Variants in ANKRD17 observed in about 807,000 individuals in gnomAD.
The protein encoded by ANKRD17 is ankyrin repeat domain 17, also known as ankyrin repeat domain-containing protein 17.
In ANKRD17, 19 loss-of-function variants were observed where a neutral mutation model predicts 229.7. That is an observed-to-expected ratio of 0.08 (90% CI 0.06 to 0.12). The LOEUF (loss-of-function observed/expected upper bound fraction) is 0.12. ANKRD17 is among the 10% of genes least tolerant of loss of function. ANKRD17 has a pLI of 1.00. For synonymous variants in ANKRD17, 1,112 were observed against 1,146.1 expected, an observed-to-expected ratio of 0.97 and a Z score of 0.60; for missense variants, 2,176 against 3,176.8, an observed-to-expected ratio of 0.68 and a Z score of 7.57.
intron 1 of ANKRD17, among the ~76,000 whole-genome samples, chr4:73,246,522 T>C (rs1412737088): frequency 6.6e-6 from 1 of 152,124 alleles, no homozygotes. Flanking sequence ...GCACAAATGG[T>C]AGGTGGCCAG....
In ANKRD17 at chr4:73,244,801, T is replaced by A. The variant is rs1378741168; in HGVS notation, c.393+13475A>T. ...TTAGAGAACAGGTAGCAAGGAAACA[T>A]CTCAGGCTGGAGATCTAATGATCTG... On this transcript the variant is annotated intron_variant, in intron 1 of 33. Coordinates refer to ENST00000358602, the MANE Select transcript of ANKRD17 (RefSeq NM_032217.5). Among the ~76,000 whole-genome samples, 7 of 152,290 alleles carry A rather than the reference T, an allele frequency of 4.6e-5. No homozygotes were observed. The East Asian group carries it at 1.2e-3, about 25-fold the overall frequency.
In ANKRD17 at chr4:73,146,861, T is replaced by C; in HGVS notation, c.1772A>G (p.His591Arg). 6.2e-7 allele frequency: 1 copy of C among 1,612,194 alleles called. No homozygotes were observed. Among genetic ancestry groups the C allele is most frequent in the Non-Finnish European group, 8.5e-7 (1 of 1,178,732 alleles). ...TGTATCCCCTGTTGCTGTTGTTGCATGAACGTTAGCTCCTGTAGTAGTCAA... is the reference window on the plus strand; with the variant it reads ...TGTATCCCCTGTTGCTGTTGTTGCACGAACGTTAGCTCCTGTAGTAGTCAA... ...KYLLAAGANV[H>R]ATTATGDTAL... Residue 591 changes from histidine to arginine, a missense_variant, in exon 10 of 34, where the codon CAT becomes CGT. His to Arg is a conservative substitution (Grantham distance 29). Transcript: ENST00000358602.
chr4:73,123,375 T>C (rs112864201), intron 18 of ANKRD17, among the ~76,000 whole-genome samples: 130 of 152,184 alleles, frequency 8.5e-4, no homozygotes, highest in African/African-American at 2.9e-3. Flanking sequence ...TCTTAATATT[T>C]GGCTTATAAT....
At chr4:73,177,911 C>A (rs1480210860) in intron 1 of ANKRD17, among the ~76,000 whole-genome samples, 1 of 152,110 alleles carries the variant, frequency 6.6e-6, no homozygotes, top group Non-Finnish European at 1.5e-5. Context: ...TTTCAGGACT[C>A]AATGAAGTAC....
chr4:73,172,971 C>T (rs1191652329), intron 2 of ANKRD17, among the ~76,000 whole-genome samples: 7 of 152,104 alleles, frequency 4.6e-5, no homozygotes, highest in Non-Finnish European at 5.9e-5. Flanking sequence ...AGTAACAACA[C>T]TGAATGTAAA....
intron 15 of ANKRD17, among the ~76,000 whole-genome samples, chr4:73,136,679 T>C (rs886280106): frequency 2.0e-5 from 3 of 152,144 alleles, no homozygotes; most frequent in Admixed American, 6.5e-5. Context: ...TAGTTTTGTA[T>C]GTTACGAAAA....
At chr4:73,252,623 TCAGAGGATTCA>T (rs1745126835) in intron 1 of ANKRD17, among the ~76,000 whole-genome samples, 1 of 152,120 alleles carries the variant, frequency 6.6e-6, no homozygotes, top group African/African-American at 2.4e-5. Context: ...TTGTTTAATA[TCAGAGGATTCA>T]CAGCCTAGCC....
intron 7 of ANKRD17, 59 bp from the exon 8 acceptor site, chr4:73,149,109 T>C (rs571605786): frequency 1.2e-4 from 176 of 1,410,168 alleles, no homozygotes; most frequent in Middle Eastern, 5.4e-4. Flanking sequence ...CTTGAAAAAT[T>C]TGAAGACTTC....
intron 1 of ANKRD17, among the ~76,000 whole-genome samples, chr4:73,244,020 T>A (rs569085187): frequency 5.3e-5 from 8 of 152,150 alleles, no homozygotes; most frequent in Non-Finnish European, 1.0e-4. Context: ...TTGTTTCTCC[T>A]GAGGCCTCTC....
chr4:73,200,417 T>G (rs536496883), intron 1 of ANKRD17, among the ~76,000 whole-genome samples: 1 of 152,204 alleles, frequency 6.6e-6, no homozygotes, highest in South Asian at 2.1e-4. Flanking sequence ...AGTAACATAG[T>G]AAGATCCTGT....
chr4:73,119,496 AG>A (rs745666296), intron 21 of ANKRD17, among the ~76,000 whole-genome samples: 1 of 152,172 alleles, frequency 6.6e-6, no homozygotes, highest in South Asian at 2.1e-4. Context: ...TTTTCCAATT[AG>A]GGATACTCAA....
chr4:73,135,941 A>C (rs2148789886), intron 15 of ANKRD17, among the ~76,000 whole-genome samples: 1 of 152,342 alleles, frequency 6.6e-6, no homozygotes, highest in Non-Finnish European at 1.5e-5. Context: ...ACTTAAGGAC[A>C]AAATTAAAAG....
At chr4:73,153,163 AT>A (rs1731221484) in intron 6 of ANKRD17, among the ~76,000 whole-genome samples, 1 of 152,104 alleles carries the variant, frequency 6.6e-6, no homozygotes. Context: ...GCCTCCTTAA[AT>A]TTTTTACTAG....
intron 2 of ANKRD17, among the ~76,000 whole-genome samples, chr4:73,172,727 G>T (rs1734203726): frequency 6.6e-6 from 1 of 151,900 alleles, no homozygotes; most frequent in African/African-American, 2.4e-5. Flanking sequence ...TATGGAAGTG[G>T]TGTTAAGCTG....
At chr4:73,100,977 A>C (rs562702431) in intron 25 of ANKRD17, 1 of 984,490 alleles carries the variant, frequency 1.0e-6, no homozygotes, top group Non-Finnish European at 1.2e-6. Flanking sequence ...AAAACAAAAC[A>C]AAAAACAAAT....
chr4:73,222,887 A>G, intron 1 of ANKRD17: 1 of 1,082,810 alleles, frequency 9.2e-7, no homozygotes, highest in African/African-American at 1.6e-5. Context: ...TCTCTCCTCT[A>G]ATCTATTCAT....
intron 1 of ANKRD17, among the ~76,000 whole-genome samples, chr4:73,225,903 A>G (rs1482068220): frequency 6.6e-6 from 1 of 150,672 alleles, no homozygotes; most frequent in Non-Finnish European, 1.5e-5. Flanking sequence ...AAGAAAAAAG[A>G]AATTAGGCAA....
intron 1 of ANKRD17, among the ~76,000 whole-genome samples, chr4:73,179,414 A>ATG (rs1479209015): frequency 1.4e-5 from 2 of 143,404 alleles, no homozygotes; most frequent in Non-Finnish European, 3.0e-5. Flanking sequence ...TTATATATAT[A>ATG]TGTGTGTGCA....
intron 1 of ANKRD17, among the ~76,000 whole-genome samples, chr4:73,253,420 C>T (rs187919180): frequency 6.6e-6 from 1 of 152,336 alleles, no homozygotes; most frequent in African/African-American, 2.4e-5. Flanking sequence ...GCAGCACCTA[C>T]TTCATAGGGT....
Sources: allele counts gnomAD v4.1 joint callset (sites outside exome capture counted in the v4.1 genomes callset), GRCh38; gene constraint gnomAD v4.1.1; transcripts MANE v1.5; gene names NCBI Gene and HGNC (gene_info 2026-07-23, HGNC 2026-07-21).